The following FAAH2 variants were observed in gnomAD, a reference collection of about 807,000 sequenced individuals.
The protein encoded by FAAH2 is fatty acid amide hydrolase 2.
Under a neutral mutation model 36.9 loss-of-function variants are expected in FAAH2, and 60 were observed. That is an observed-to-expected ratio of 1.63 (90% CI 1.32 to 2.02). The LOEUF (loss-of-function observed/expected upper bound fraction) is 2.02, where lower values mean the gene tolerates loss of function less well. Among genes scored for constraint, FAAH2 ranks in the 30% most tolerant of loss-of-function variants. The pLI, the probability that FAAH2 is intolerant of heterozygous loss-of-function variation, is 0.00. For synonymous variants in FAAH2, 214 were observed against 143.8 expected (o/e 1.49, Z -3.49); for missense variants, 689 against 397.5 (o/e 1.73, Z -6.23).
At chrX:57,138,420 TTATA>T in the FAAH2 span, among the ~76,000 whole-genome samples, 6 of 107,767 alleles carry the variant, frequency 5.6e-5, no homozygotes, top group African/African-American at 1.7e-4. Flanking sequence ...TAATATTTTA[TTATA>T]TATATATATA....
intron 7 of FAAH2, among the ~76,000 whole-genome samples, chrX:57,419,732 A>G (rs2055955713): frequency 9.0e-6 from 1 of 111,463 alleles, no homozygotes; most frequent in Non-Finnish European, 1.9e-5. Flanking sequence ...ATTAGATCCC[A>G]TTTGTCAATT....
At chrX:57,307,376 A>C (rs1454574626) in intron 2 of FAAH2, among the ~76,000 whole-genome samples, 3 of 110,280 alleles carry the variant, frequency 2.7e-5, no homozygotes, top group Admixed American at 9.8e-5. Context: ...AGGAAACTGA[A>C]ATACAGAAAG....
At chrX:57,476,368 T>C (rs1311680537) in intron 10 of FAAH2, among the ~76,000 whole-genome samples, 1 of 111,127 alleles carries the variant, frequency 9.0e-6, no homozygotes, top group Non-Finnish European at 1.9e-5. Flanking sequence ...TGAGATGTGT[T>C]CCATCAATAC....
chrX:57,253,980 T>A, the FAAH2 span, among the ~76,000 whole-genome samples: 2 of 110,972 alleles, frequency 1.8e-5, no homozygotes, highest in East Asian at 5.7e-4. Flanking sequence ...CAAATCTTTA[T>A]CCAATCTGGC....
the FAAH2 span, among the ~76,000 whole-genome samples, chrX:57,252,403 C>T: frequency 1.8e-5 from 2 of 112,333 alleles, no homozygotes; most frequent in South Asian, 7.3e-4. Flanking sequence ...CCCAGCATGG[C>T]GTTTGAGCTC....
At chrX:57,409,611 C>G (rs188515592) in intron 7 of FAAH2, among the ~76,000 whole-genome samples, 7 of 110,549 alleles carry the variant, frequency 6.3e-5, no homozygotes, top group East Asian at 2.8e-4. Flanking sequence ...AATGACTCAG[C>G]CTTTGTAGTT....
At position 57,418,992 on chromosome X, in the gene FAAH2, T is replaced by A. The variant is rs1408052952; in HGVS notation, c.997-12926T>A. The stretch of plus-strand genomic sequence containing the variant: ...GTTTGGTTTTTTGTCCTTGTGATAG[T>A]TTACTGAGAATGATGATTTCCAATT... On this transcript the variant is annotated intron_variant, in intron 7 of 10. Coordinates refer to ENST00000374900, the MANE Select transcript of FAAH2 (RefSeq NM_174912.4). Among the ~76,000 whole-genome samples the A allele has an allele frequency of 2.2e-3, 232 of 105,194 alleles. 2 individuals carry two copies. Among genetic ancestry groups the A allele is most frequent in the Non-Finnish European group, 1.9e-3 (100 of 51,341 alleles). The allele number at this position is 105,194 out of a possible 115,157, so 91.3% of individuals were successfully genotyped here. A position where few individuals can be genotyped will look rare whatever the true frequency, so the allele number is the denominator to read the frequency against.
chrX:57,282,508 T>C (rs1161280807), upstream of FAAH2, among the ~76,000 whole-genome samples: 2 of 112,134 alleles, frequency 1.8e-5, no homozygotes, highest in Non-Finnish European at 3.8e-5. Context: ...GTAGGTTGTC[T>C]GTTTACTCCG....
At chrX:57,124,468 G>A in the FAAH2 span, among the ~76,000 whole-genome samples, 2 of 111,811 alleles carry the variant, frequency 1.8e-5, no homozygotes, top group South Asian at 7.5e-4. Flanking sequence ...TTTGGCTTAG[G>A]TTTGACTTGG....
chrX:57,150,173 C>T, the FAAH2 span, among the ~76,000 whole-genome samples: 4 of 112,039 alleles, frequency 3.6e-5, no homozygotes, highest in Non-Finnish European at 7.5e-5. Context: ...GATTGCTTTA[C>T]TTCCAACTAT....
chrX:57,358,193 T>A (rs780599585), intron 5 of FAAH2, among the ~76,000 whole-genome samples: 1 of 110,194 alleles, frequency 9.1e-6, no homozygotes, highest in South Asian at 3.9e-4. Context: ...AATTGTATTG[T>A]ATTTTGGTAA....
chrX:57,217,160 T>C, the FAAH2 span, among the ~76,000 whole-genome samples: 1 of 110,898 alleles, frequency 9.0e-6, no homozygotes, highest in Non-Finnish European at 1.9e-5. Flanking sequence ...TTGAGTTCGT[T>C]GTAGAGTCTG....
intron 2 of FAAH2, among the ~76,000 whole-genome samples, chrX:57,307,783 G>A (rs2052583274): frequency 9.1e-6 from 1 of 110,131 alleles, no homozygotes; most frequent in African/African-American, 3.3e-5. Flanking sequence ...ACTTTCCCTC[G>A]CTCACACACT....
the FAAH2 span, among the ~76,000 whole-genome samples, chrX:57,180,071 A>G: frequency 8.9e-6 from 1 of 112,244 alleles, no homozygotes; most frequent in Non-Finnish European, 1.9e-5. Context: ...GACTAATGGG[A>G]ACAAAGATAC....
At chrX:57,193,113 A>T in the FAAH2 span, among the ~76,000 whole-genome samples, 1 of 112,157 alleles carries the variant, frequency 8.9e-6, no homozygotes, top group Non-Finnish European at 1.9e-5. Context: ...TCTTCTTTCA[A>T]AAGCAAATGG....
At chrX:57,182,586 C>T in the FAAH2 span, among the ~76,000 whole-genome samples, 1 of 110,994 alleles carries the variant, frequency 9.0e-6, no homozygotes, top group African/African-American at 3.3e-5. Flanking sequence ...GAATGATTTC[C>T]CTCTGTTGGT....
the FAAH2 span, among the ~76,000 whole-genome samples, chrX:57,152,173 G>A: frequency 8.9e-6 from 1 of 112,060 alleles, no homozygotes; most frequent in African/African-American, 3.2e-5. Flanking sequence ...GTGTCAGTCT[G>A]CCCCTACTGG....
intron 4 of FAAH2, among the ~76,000 whole-genome samples, chrX:57,339,880 C>T (rs921859963): frequency 3.6e-5 from 4 of 111,806 alleles, no homozygotes; most frequent in Non-Finnish European, 7.5e-5. Flanking sequence ...CCATTTTACC[C>T]AGCAATCCCA....
the FAAH2 span, among the ~76,000 whole-genome samples, chrX:57,259,265 A>C: frequency 8.0e-5 from 9 of 112,021 alleles, no homozygotes; most frequent in African/African-American, 2.9e-4. Flanking sequence ...TATCTAAAAG[A>C]GAGAAAAATT....
Sources: allele counts gnomAD v4.1 joint callset (sites outside exome capture counted in the v4.1 genomes callset), GRCh38; gene constraint gnomAD v4.1.1; transcripts MANE v1.5; gene names NCBI Gene and HGNC (gene_info 2026-07-23, HGNC 2026-07-21).